Variants in MTDH observed in about 807,000 individuals in gnomAD.
MTDH encodes the protein metadherin.
A neutral mutation model predicts 72.7 loss-of-function variants in MTDH; 34 were observed. The observed-to-expected ratio is 0.47, with a 90% CI of 0.36 to 0.62. The LOEUF (loss-of-function observed/expected upper bound fraction) is 0.62. MTDH is among the 20% of genes least tolerant of loss of function. The pLI is 0.00. For synonymous variants in MTDH, 266 were observed against 268.9 expected (o/e 0.99, Z 0.10); for missense variants, 677 against 699.4 (o/e 0.97, Z 0.36).
chr8:97,690,134 G>A (rs1813540010), intron 5 of MTDH, among the ~76,000 whole-genome samples: 1 of 151,846 alleles, frequency 6.6e-6, no homozygotes, highest in Admixed American at 6.6e-5. Flanking sequence ...TGGGATTACA[G>A]GCACTTGCAA....
chr8:97,670,144 G>A (rs1203571755), intron 2 of MTDH, among the ~76,000 whole-genome samples: 1 of 151,680 alleles, frequency 6.6e-6, no homozygotes, highest in African/African-American at 2.4e-5. Flanking sequence ...GCGAAACCTC[G>A]TCTCTATTAA....
intron 8 of MTDH, among the ~76,000 whole-genome samples, chr8:97,711,235 C>T (rs534603970): frequency 1.6e-4 from 24 of 151,516 alleles, no homozygotes; most frequent in Non-Finnish European, 2.8e-4. Flanking sequence ...CGGTGGCTCA[C>T]GCCTGTAATC....
intron 7 of MTDH, among the ~76,000 whole-genome samples, chr8:97,703,448 T>C (rs1563558900): frequency 1.3e-5 from 2 of 152,328 alleles, no homozygotes; most frequent in South Asian, 2.1e-4. Flanking sequence ...GACATGTTGG[T>C]ATATTGCCCA....
intron 2 of MTDH, among the ~76,000 whole-genome samples, chr8:97,668,569 T>A (rs567260432): frequency 6.6e-6 from 1 of 152,244 alleles, no homozygotes; most frequent in South Asian, 2.1e-4. Flanking sequence ...ACTTTTTTTT[T>A]TTGAGACAGA....
chr8:97,682,515 G>T (rs941093857), intron 2 of MTDH, among the ~76,000 whole-genome samples: 1 of 150,604 alleles, frequency 6.6e-6, no homozygotes, highest in African/African-American at 2.4e-5. Context: ...GGCCAAGGCT[G>T]GTTTCAAATT....
Position 97,689,109 on chromosome 8 carries a change from A to AAT in MTDH, c.811+6_811+7insAT. 1 of 1,553,610 alleles carries AAT rather than the reference A, an allele frequency of 6.4e-7. No individual in the cohort carries two copies. Among genetic ancestry groups the AAT allele is most frequent in the Non-Finnish European group, 8.8e-7 (1 of 1,135,818 alleles). On this transcript the variant is annotated splice_region_variant and intron_variant, in intron 5 of 11. Coordinates refer to ENST00000336273, the MANE Select transcript of MTDH (RefSeq NM_178812.4). ...AGGAGATTCTACACTTCAGGGTGAG[A>AAT]GAAATTACATGTAACTTAAATTGAA... is the stretch of plus-strand genomic sequence containing the variant.
chr8:97,654,036 A>G (rs899576968), intron 1 of MTDH, among the ~76,000 whole-genome samples: 1 of 152,168 alleles, frequency 6.6e-6, no homozygotes, highest in Admixed American at 6.6e-5. Flanking sequence ...CCATCTCCCC[A>G]TCTCATAAAG....
At chr8:97,700,299 A>G (rs1814056124) in intron 7 of MTDH, among the ~76,000 whole-genome samples, 1 of 152,050 alleles carries the variant, frequency 6.6e-6, no homozygotes, top group African/African-American at 2.4e-5. Flanking sequence ...TATGGTTTGT[A>G]TGTTCGGAAA....
At chr8:97,695,312 C>G (rs982641847) in intron 6 of MTDH, among the ~76,000 whole-genome samples, 1 of 152,058 alleles carries the variant, frequency 6.6e-6, no homozygotes, top group Non-Finnish European at 1.5e-5. Context: ...TAGGCTCTCA[C>G]CATGTTGGCC....
rs35895126 is a variant in MTDH, at chr8:97,678,594, C to CTTTTTTTTTTTTTT, written c.484-8063_484-8050dup. 1.1e-3 allele frequency among the ~76,000 whole-genome samples: 98 copies of CTTTTTTTTTTTTTT among 85,322 alleles called. 7 individuals carry two copies. Among genetic ancestry groups the CTTTTTTTTTTTTTT allele is most frequent in the African/African-American group, 3.0e-3 (61 of 20,008 alleles). 56.0% of individuals were successfully genotyped at this position (85,322 alleles called of 152,430 possible). On this transcript the variant is annotated intron_variant, in intron 2 of 11. Transcript: ENST00000336273. ...GTTTCCTTTGCTTCCTTCCTTCCTT[C>CTTTTTTTTTTTTTT]TTTTTTTTTTTTTTTTTTTTTTTTG...
Position 97,725,420 on chromosome 8 carries a change from A to G in MTDH, c.*750A>G, listed in dbSNP as rs994705978. 6.6e-6 allele frequency: 1 copy of G among 152,558 alleles called. No homozygotes were observed. The highest frequency in any genetic ancestry group is 2.4e-5 in the African/African-American group (1 of 41,458). 9.5% of individuals were successfully genotyped at this position (152,558 alleles called of 1,614,324 possible). A position where few individuals can be genotyped will look rare whatever the true frequency, so the allele number is the denominator to read the frequency against. ...AAGGCTTAGACTCATAAATAATGCT[A>G]TTGTTTATGATTTGAAAACTTTCAG... is the stretch of plus-strand genomic sequence containing the variant. On this transcript the variant is annotated 3_prime_UTR_variant, in exon 12 of 12. Coordinates refer to ENST00000336273, the MANE Select transcript of MTDH (RefSeq NM_178812.4).
In MTDH at chr8:97,688,454, A is replaced by G. The variant is rs542680936; in HGVS notation, c.746-584A>G. Reference sequence around the variant, plus strand: ...TAGCTATGCTTTAGTATTTTTGTTGATTCTTTTTCGCTGTCTTGTGCATGC... The same window carrying G: ...TAGCTATGCTTTAGTATTTTTGTTGGTTCTTTTTCGCTGTCTTGTGCATGC... On this transcript the variant is annotated intron_variant, in intron 4 of 11. Coordinates refer to ENST00000336273, the MANE Select transcript of MTDH (RefSeq NM_178812.4). Among the ~76,000 whole-genome samples, 3 of 152,138 alleles carry G rather than the reference A, an allele frequency of 2.0e-5. No homozygotes were observed. The South Asian group carries it at 6.2e-4, about 32-fold the overall frequency.
At chr8:97,676,905 T>TGAGACAGGAGTATTGCTTG (rs1332903581) in intron 2 of MTDH, among the ~76,000 whole-genome samples, 3 of 146,634 alleles carry the variant, frequency 2.0e-5, no homozygotes, top group Admixed American at 7.2e-5. Flanking sequence ...CTCAGGAGGC[T>TGAGACAGGAGTATTGCTTG]GAGACAGGAG....
intron 1 of MTDH, among the ~76,000 whole-genome samples, chr8:97,652,595 A>C (rs977771201): frequency 6.6e-6 from 1 of 152,192 alleles, no homozygotes; most frequent in African/African-American, 2.4e-5. Context: ...CCTGGCGTAT[A>C]AGTGCCTTTG....
At chr8:97,672,901 A>G (rs1040620259) in intron 2 of MTDH, among the ~76,000 whole-genome samples, 5 of 152,170 alleles carry the variant, frequency 3.3e-5, no homozygotes, top group East Asian at 1.9e-4. Flanking sequence ...GCTATGTCCT[A>G]TGAGCCCACT....
chr8:97,718,536 T>C (rs76659122), intron 9 of MTDH, among the ~76,000 whole-genome samples: 1 of 142,082 alleles, frequency 7.0e-6, no homozygotes, highest in East Asian at 2.1e-4. Context: ...GTTTTTTTTT[T>C]GTGAGACAGA....
At chr8:97,687,399 A>C (rs768193329) in intron 3 of MTDH, 30 bp from the exon 4 acceptor site, 34 of 1,561,796 alleles carry the variant, frequency 2.2e-5, no homozygotes, top group Admixed American at 1.5e-4. Flanking sequence ...CCCCTTACTG[A>C]ATAACATTTT....
intron 5 of MTDH, 107 bp from the exon 6 acceptor site, chr8:97,690,845 G>A: frequency 1.3e-6 from 1 of 774,152 alleles, no homozygotes; most frequent in Non-Finnish European, 2.0e-6. Flanking sequence ...AGGATAGTAG[G>A]GGAAGTGAGT....
chr8:97,729,050 C>T lies in MTDH; in HGVS notation c.*4380C>T, dbSNP rs1474764857. ...CACTTTAGCCTCAGCCTCCAGAGTA[C>T]CTGGGACTACAGGTACACACCACCA... On this transcript the variant is annotated 3_prime_UTR_variant, in exon 12 of 12. Coordinates refer to ENST00000336273, the MANE Select transcript of MTDH (RefSeq NM_178812.4). Among the ~76,000 whole-genome samples, 2 of 151,018 alleles carry T rather than the reference C, an allele frequency of 1.3e-5. No homozygotes were observed. The highest frequency in any genetic ancestry group is 2.9e-5 in the Non-Finnish European group (2 of 67,840).
Sources: gnomAD v4.1 joint callset for allele counts (sites outside exome capture counted in the v4.1 genomes callset) on GRCh38, gnomAD v4.1.1 for gene constraint, MANE v1.5 for transcripts, NCBI Gene and HGNC (gene_info 2026-07-23, HGNC 2026-07-21) for gene names.